The following KLHL1 variants were observed in gnomAD, a reference collection of about 807,000 sequenced individuals.
The protein encoded by KLHL1 is kelch like family member 1, also known as kelch-like protein 1.
A neutral mutation model predicts 77.7 loss-of-function variants in KLHL1; 47 were observed. The observed-to-expected ratio is 0.60, with a 90% CI of 0.48 to 0.77. The LOEUF (loss-of-function observed/expected upper bound fraction) is 0.77. KLHL1 is among the 30% of genes least tolerant of loss of function. The pLI is 0.00. For synonymous variants in KLHL1, 360 were observed against 325.2 expected (o/e 1.11, Z -1.15); for missense variants, 925 against 910.8 (o/e 1.02, Z -0.20).
intron 1 of KLHL1, among the ~76,000 whole-genome samples, chr13:70,036,006 G>T (rs1886229850): frequency 6.6e-6 from 1 of 151,898 alleles, no homozygotes; most frequent in East Asian, 1.9e-4. Context: ...ATGCTTCAAT[G>T]ATGAGTATCA....
intron 4 of KLHL1, 104 bp from the exon 5 acceptor site, chr13:69,882,599 T>C: frequency 1.4e-6 from 1 of 727,640 alleles, no homozygotes; most frequent in Non-Finnish European, 2.3e-6. Context: ...GTTCTTATTA[T>C]AACATAATCC....
At chr13:69,951,414 G>T (rs1883707657) in intron 3 of KLHL1, among the ~76,000 whole-genome samples, 1 of 151,476 alleles carries the variant, frequency 6.6e-6, no homozygotes, top group Admixed American at 6.6e-5. Context: ...ATTTTCGCAA[G>T]TTAGTAGGAA....
At chr13:69,829,366 G>C (rs1940260840) in intron 6 of KLHL1, among the ~76,000 whole-genome samples, 1 of 150,038 alleles carries the variant, frequency 6.7e-6, no homozygotes, top group Non-Finnish European at 1.5e-5. Flanking sequence ...CAGCTCTCAG[G>C]AAGCTCCATC....
At chr13:70,022,716 C>A (rs1008926557) in intron 1 of KLHL1, among the ~76,000 whole-genome samples, 1 of 151,808 alleles carries the variant, frequency 6.6e-6, no homozygotes, top group Non-Finnish European at 1.5e-5. Context: ...ATGAATTTAG[C>A]AAAACATAGA....
rs1287543454 is a variant in KLHL1 at position 69,719,487 on chromosome 13, T to G, written c.1897A>C (p.Met633Leu). The G allele has an allele frequency of 1.9e-6, 3 of 1,613,464 alleles. No individual in the cohort carries two copies. Among genetic ancestry groups the G allele is most frequent in the Middle Eastern group, 1.6e-4 (1 of 6,062 alleles). Residue 633 changes from methionine to leucine, a missense_variant, in exon 9 of 11, where the codon ATG (methionine) becomes CTG (leucine). By Grantham distance (15) the Met-to-Leu change is conservative. Coordinates refer to ENST00000377844, the MANE Select transcript of KLHL1 (RefSeq NM_020866.3). ...HTNKWNMCAPMCKRRGGVGVA... is the reference protein window; with the variant it reads ...HTNKWNMCAPLCKRRGGVGVA... ...CCGACACCCCCTCTCCTCTTACACA[T>G]GGGAGCACACATGTTCCACTTATTT...
intron 7 of KLHL1, among the ~76,000 whole-genome samples, chr13:69,745,102 A>G (rs1459574285): frequency 6.6e-6 from 1 of 151,948 alleles, no homozygotes; most frequent in Non-Finnish European, 1.5e-5. Context: ...GTTGTCTGAT[A>G]ATCTCTCCAC....
intron 5 of KLHL1, among the ~76,000 whole-genome samples, chr13:69,850,549 T>C (rs2911519): frequency 0.93 from 141,633 of 151,532 alleles, 66,415 homozygotes; most frequent in East Asian, 0.99. Flanking sequence ...TTCCATTTCA[T>C]TACTTGCTTT....
chr13:69,750,563 C>G (rs569966519), intron 7 of KLHL1, among the ~76,000 whole-genome samples: 1 of 151,694 alleles, frequency 6.6e-6, no homozygotes, highest in East Asian at 1.9e-4. Context: ...AAATCACCCC[C>G]AAAATATATA....
chr13:69,705,829 T>C (rs1875599848), intron 10 of KLHL1, among the ~76,000 whole-genome samples: 1 of 151,756 alleles, frequency 6.6e-6, no homozygotes, highest in South Asian at 2.1e-4. Context: ...AGGAGTCTTT[T>C]ACCTATTACT....
At chr13:69,984,620 A>G (rs1255570735) in intron 1 of KLHL1, among the ~76,000 whole-genome samples, 1 of 152,096 alleles carries the variant, frequency 6.6e-6, no homozygotes, top group African/African-American at 2.4e-5. Context: ...TTCCCAGGGG[A>G]CTGGAAAACC....
At chr13:69,815,661 G>A (rs139510062) in intron 6 of KLHL1, among the ~76,000 whole-genome samples, 138 of 152,008 alleles carry the variant, frequency 9.1e-4, no homozygotes, top group African/African-American at 2.8e-3. Context: ...TCAGCATCAC[G>A]CAATATACCC....
chr13:70,056,186 G>T (rs974613199), intron 1 of KLHL1, among the ~76,000 whole-genome samples: 1 of 152,060 alleles, frequency 6.6e-6, no homozygotes, highest in Non-Finnish European at 1.5e-5. Context: ...AAAGGACCAG[G>T]AGTAGATAAA....
At chr13:69,945,003 T>C (rs948034131) in intron 3 of KLHL1, among the ~76,000 whole-genome samples, 4 of 133,206 alleles carry the variant, frequency 3.0e-5, no homozygotes, top group Non-Finnish European at 6.1e-5. Context: ...TTTTTTTTTT[T>C]CAGATGGAGT....
intron 7 of KLHL1, among the ~76,000 whole-genome samples, chr13:69,742,801 T>C (rs1005090371): frequency 6.6e-6 from 1 of 152,172 alleles, no homozygotes; most frequent in African/African-American, 2.4e-5. Flanking sequence ...TAGTTAAAAT[T>C]AAAAACCATA....
intron 1 of KLHL1, among the ~76,000 whole-genome samples, chr13:69,979,233 A>C (rs1884638092): frequency 6.6e-6 from 1 of 151,728 alleles, no homozygotes; most frequent in Admixed American, 6.6e-5. Context: ...TTAGGCATTA[A>C]GTTTCTTCAT....
At chr13:69,705,484 T>C (rs990703175) in intron 10 of KLHL1, among the ~76,000 whole-genome samples, 1 of 151,704 alleles carries the variant, frequency 6.6e-6, no homozygotes, top group Non-Finnish European at 1.5e-5. Context: ...GCTAATATTA[T>C]ATGGAATAAC....
intron 1 of KLHL1, among the ~76,000 whole-genome samples, chr13:70,006,008 C>T (rs932715207): frequency 7.9e-5 from 12 of 151,940 alleles, no homozygotes; most frequent in African/African-American, 2.9e-4. Flanking sequence ...CAACGATGCT[C>T]CATTTTTCTT....
rs144295610 is a variant in KLHL1, at chr13:70,031,994, G to T, written c.498-56192C>A. Among the ~76,000 whole-genome samples the T allele has an allele frequency of 2.5e-3, 374 of 152,232 alleles. 1 individual carries two copies. Among genetic ancestry groups the T allele is most frequent in the African/African-American group, 8.4e-3 (349 of 41,552 alleles). On this transcript the variant is annotated intron_variant, in intron 1 of 10. Coordinates refer to ENST00000377844, the MANE Select transcript of KLHL1 (RefSeq NM_020866.3). ...TGATATTTAGGTTGAGAAAGCCCTG[G>T]GGGTGAATCCTGATTATGTCACTTA...
chr13:69,774,368 ATATAT>A lies in KLHL1; in HGVS notation c.1639+22365_1639+22369del, dbSNP rs148969501. The stretch of plus-strand genomic sequence containing the variant: ...ATTGATTTTAACTTGTTAAACTTTA[ATATAT>A]TATATTTTTGTATATTGCCTATAAC... On this transcript the variant is annotated intron_variant, in intron 7 of 10. Transcript: ENST00000377844. Among the ~76,000 whole-genome samples the A allele has an allele frequency of 9.7e-3, 1,476 of 152,138 alleles. 24 individuals are homozygous for A. Among genetic ancestry groups the A allele is most frequent in the African/African-American group, 0.034 (1,395 of 41,552 alleles).
Sources: allele counts gnomAD v4.1 joint callset (sites outside exome capture counted in the v4.1 genomes callset), GRCh38; gene constraint gnomAD v4.1.1; transcripts MANE v1.5; gene names NCBI Gene and HGNC (gene_info 2026-07-23, HGNC 2026-07-21).